The following BCKDHB variants were observed in gnomAD, a reference collection of about 807,000 sequenced individuals.
BCKDHB encodes the protein 2-oxoisovalerate dehydrogenase subunit beta, mitochondrial.
Under a neutral mutation model 48.5 loss-of-function variants are expected in BCKDHB, and 41 were observed. That is an observed-to-expected ratio of 0.85 (90% CI 0.66 to 1.10). The LOEUF is 1.10. BCKDHB is among the 50% of genes least tolerant of loss of function. The pLI, the probability that BCKDHB is intolerant of heterozygous loss-of-function variation, is 0.00. For missense variants in BCKDHB, 496 were observed against 494.2 expected, an observed-to-expected ratio of 1.00 and a Z score of -0.03; for synonymous variants, 201 against 174.8, an observed-to-expected ratio of 1.15 and a Z score of -1.18.
chr6:80,353,566 C>T, the BCKDHB span, among the ~76,000 whole-genome samples: 2 of 151,378 alleles, frequency 1.3e-5, no homozygotes, highest in Non-Finnish European at 2.9e-5. Flanking sequence ...AATAATAGCT[C>T]TTCTGTGGCC....
At chr6:80,257,407 T>C (rs1330230126) in intron 8 of BCKDHB, among the ~76,000 whole-genome samples, 1 of 140,836 alleles carries the variant, frequency 7.1e-6, no homozygotes, top group Non-Finnish European at 1.5e-5. Flanking sequence ...TAAAGATATA[T>C]AATTCATATA....
At chr6:80,257,263 G>T (rs1777087915) in intron 8 of BCKDHB, among the ~76,000 whole-genome samples, 1 of 151,576 alleles carries the variant, frequency 6.6e-6, no homozygotes, top group African/African-American at 2.4e-5. Context: ...AGTTTCTCTT[G>T]TCTTTAATAT....
At chr6:80,424,785 A>C in the BCKDHB span, among the ~76,000 whole-genome samples, 1 of 152,172 alleles carries the variant, frequency 6.6e-6, no homozygotes, top group Non-Finnish European at 1.5e-5. Flanking sequence ...ATTTTTTAGC[A>C]AAGGGTATTT....
intron 9 of BCKDHB, among the ~76,000 whole-genome samples, chr6:80,340,688 G>A (rs745316886): frequency 1.3e-5 from 2 of 152,164 alleles, no homozygotes; most frequent in Non-Finnish European, 2.9e-5. Context: ...TGGTTGCTAT[G>A]GTTATGGCGT....
intron 8 of BCKDHB, among the ~76,000 whole-genome samples, chr6:80,264,203 A>C (rs1003608656): frequency 6.6e-6 from 1 of 152,190 alleles, no homozygotes; most frequent in African/African-American, 2.4e-5. Flanking sequence ...CAACATATAT[A>C]GTACAACCCT....
chr6:80,397,947 A>C, the BCKDHB span, among the ~76,000 whole-genome samples: 60 of 152,304 alleles, frequency 3.9e-4, no homozygotes, highest in African/African-American at 1.4e-3. Flanking sequence ...ATGCAAGTAC[A>C]TGGAAGTTAA....
At chr6:80,428,759 T>C in the BCKDHB span, among the ~76,000 whole-genome samples, 20 of 152,368 alleles carry the variant, frequency 1.3e-4, no homozygotes, top group African/African-American at 4.3e-4. Flanking sequence ...TCTTTGTAGA[T>C]TCTGGATATT....
At chr6:80,449,902 C>T in the BCKDHB span, among the ~76,000 whole-genome samples, 9 of 151,762 alleles carry the variant, frequency 5.9e-5, no homozygotes, top group African/African-American at 1.5e-4. Flanking sequence ...CTTTTTTTAA[C>T]GTTAGTTTCC....
intron 6 of BCKDHB, among the ~76,000 whole-genome samples, chr6:80,189,393 G>A (rs1271176329): frequency 2.0e-5 from 3 of 152,002 alleles, no homozygotes; most frequent in African/African-American, 7.2e-5. Flanking sequence ...TCACTTTTCT[G>A]TTTTTTACTT....
chr6:80,212,685 T>G (rs1774993672), intron 8 of BCKDHB, among the ~76,000 whole-genome samples: 1 of 152,168 alleles, frequency 6.6e-6, no homozygotes, highest in Non-Finnish European at 1.5e-5. Flanking sequence ...ATTATAAAAG[T>G]ATTATTTGGG....
chr6:80,121,653 GCTCT>G (rs1361405652), intron 1 of BCKDHB, among the ~76,000 whole-genome samples: 1 of 151,700 alleles, frequency 6.6e-6, no homozygotes, highest in Non-Finnish European at 1.5e-5. Flanking sequence ...TCATGATTTG[GCTCT>G]CTGTTAATGG....
intron 1 of BCKDHB, among the ~76,000 whole-genome samples, chr6:80,125,073 TC>T (rs780252594): frequency 6.6e-6 from 1 of 152,206 alleles, no homozygotes; most frequent in Non-Finnish European, 1.5e-5. Flanking sequence ...CCATTGAAAA[TC>T]TTTTGTTTAG....
intron 1 of BCKDHB, 121 bp from the exon 2 acceptor site, chr6:80,127,426 A>G (rs1415675235): frequency 2.5e-6 from 2 of 812,460 alleles, no homozygotes; most frequent in African/African-American, 3.4e-5. Context: ...ATAATTCAGC[A>G]ATTTGCATAA....
the BCKDHB span, among the ~76,000 whole-genome samples, chr6:80,403,747 A>T: frequency 0.77 from 117,510 of 151,928 alleles, 49,356 homozygotes; most frequent in East Asian, 0.95. Flanking sequence ...ATTGAGGCAC[A>T]TTCTTTCTAT....
chr6:80,117,222 A>T (rs1038106396), intron 1 of BCKDHB, among the ~76,000 whole-genome samples: 1 of 152,234 alleles, frequency 6.6e-6, no homozygotes. Flanking sequence ...AGGTATTCAC[A>T]TGGAAATAAT....
At chr6:80,357,009 CTACAATAATA>C in the BCKDHB span, 1 of 137,368 alleles carries the variant, frequency 7.3e-6, no homozygotes, top group Non-Finnish European at 1.5e-5. Flanking sequence ...AATAATTCAC[CTACAATAATA>C]TACTAGTGCC....
At chr6:80,316,535 G>A (rs1390059784) in intron 9 of BCKDHB, among the ~76,000 whole-genome samples, 1 of 152,124 alleles carries the variant, frequency 6.6e-6, no homozygotes, top group Admixed American at 6.5e-5. Context: ...TAGCAAATAT[G>A]TTTATGATAT....
chr6:80,435,797 G>A, the BCKDHB span, among the ~76,000 whole-genome samples: 1 of 152,142 alleles, frequency 6.6e-6, no homozygotes, highest in Non-Finnish European at 1.5e-5. Flanking sequence ...ACTTTGGAAG[G>A]CCGAGGTGGG....
At chr6:80,347,943 C>T (rs1229632479), downstream of BCKDHB, among the ~76,000 whole-genome samples, 1 of 152,168 alleles carries the variant, frequency 6.6e-6, no homozygotes, top group Non-Finnish European at 1.5e-5. Context: ...CCAAAATCCT[C>T]CACTGCTCCC....
Sources: gnomAD v4.1 joint callset for allele counts (sites outside exome capture counted in the v4.1 genomes callset) on GRCh38, gnomAD v4.1.1 for gene constraint, MANE v1.5 for transcripts, NCBI Gene and HGNC (gene_info 2026-07-23, HGNC 2026-07-21) for gene names.